Variants in ENPP1 observed in about 807,000 individuals in gnomAD.
The protein encoded by ENPP1 is ectonucleotide pyrophosphatase/phosphodiesterase 1.
In ENPP1, 73 loss-of-function variants were observed where a neutral mutation model predicts 122.8. The ratio of observed to expected loss-of-function variants is 0.59; its 90% CI spans 0.49 to 0.72. The LOEUF is 0.72. Among genes scored for constraint, ENPP1 ranks in the 30% least tolerant of loss-of-function variants. The pLI, the probability that ENPP1 is intolerant of heterozygous loss-of-function variation, is 0.00. For missense variants in ENPP1, 978 were observed against 1,128.1 expected, an observed-to-expected ratio of 0.87 and a Z score of 1.91; for synonymous variants, 367 against 391.6, an observed-to-expected ratio of 0.94 and a Z score of 0.74.
In ENPP1 at chr6:131,887,698, A is replaced by G. The variant is rs556586352; in HGVS notation, c.2607+974A>G. Among the ~76,000 whole-genome samples the G allele has an allele frequency of 2.1e-5, 3 of 144,632 alleles. 1 individual carries two copies. The highest frequency in any genetic ancestry group is 4.5e-5 in the Non-Finnish European group (3 of 66,984). 94.9% of individuals were successfully genotyped at this position (144,632 alleles called of 152,430 possible). On this transcript the variant is annotated intron_variant, in intron 24 of 24. Coordinates refer to ENST00000647893, the MANE Select transcript of ENPP1 (RefSeq NM_006208.3). Reference sequence around the variant, plus strand: ...CTCAGCCTCCCGAGTAGCTGGGACTACAGGCGCCCGCCACCACACCCGGCT... The same window carrying G: ...CTCAGCCTCCCGAGTAGCTGGGACTGCAGGCGCCCGCCACCACACCCGGCT...
chr6:131,889,488 A>C (rs6905420), intron 24 of ENPP1, among the ~76,000 whole-genome samples: 17,683 of 150,936 alleles, frequency 0.12, 1,932 homozygotes, highest in African/African-American at 0.3. Context: ...TGAGGTTTCG[A>C]TTTTCTGTTT....
At chr6:131,837,173 TG>T (rs975762768) in intron 1 of ENPP1, among the ~76,000 whole-genome samples, 6 of 15,194 alleles carry the variant, frequency 3.9e-4, no homozygotes, top group South Asian at 1.8e-3. Flanking sequence ...CTGTTGTCAT[TG>T]TGTGTGTGTG....
rs554014970 is a variant in ENPP1 at position 131,890,636 on chromosome 6, A to T, written c.*125A>T. 1 of 822,778 alleles carries T rather than the reference A, an allele frequency of 1.2e-6. No homozygotes were observed. Among genetic ancestry groups the T allele is most frequent in the Non-Finnish European group, 2.0e-6 (1 of 489,918 alleles). 51.0% of individuals were successfully genotyped at this position (822,778 alleles called of 1,614,324 possible). The stretch of plus-strand genomic sequence containing the variant: ...CAGAGTTAGAACGGAGCCCTCGGTG[A>T]TGCGGACATCTCAGGGAAACTTGCG... On this transcript the variant is annotated 3_prime_UTR_variant, in exon 25 of 25. Transcript: ENST00000647893.
At chr6:131,825,467 T>G (rs764624745) in intron 1 of ENPP1, among the ~76,000 whole-genome samples, 7 of 152,230 alleles carry the variant, frequency 4.6e-5, no homozygotes. Context: ...ATTTCCTCAA[T>G]CACTCTTGCC....
chr6:131,828,398 C>T (rs1358404509), intron 1 of ENPP1: 30 of 363,192 alleles, frequency 8.3e-5, no homozygotes, highest in South Asian at 1.2e-4. Flanking sequence ...CATTTTAGCT[C>T]GGTTAGTGTA....
At chr6:131,811,639 A>C (rs908962754) in intron 1 of ENPP1, among the ~76,000 whole-genome samples, 1 of 152,112 alleles carries the variant, frequency 6.6e-6, no homozygotes, top group African/African-American at 2.4e-5. Flanking sequence ...TCTTTGTATC[A>C]CACATTCCAG....
intron 1 of ENPP1, among the ~76,000 whole-genome samples, chr6:131,842,295 C>T (rs1781751533): frequency 6.6e-6 from 1 of 152,184 alleles, no homozygotes; most frequent in South Asian, 2.1e-4. Context: ...CCTTCCCAGG[C>T]TGGTGTTGTC....
intron 1 of ENPP1, among the ~76,000 whole-genome samples, chr6:131,829,250 A>C (rs2114668681): frequency 6.6e-6 from 1 of 152,360 alleles, no homozygotes; most frequent in East Asian, 1.9e-4. Context: ...AGCTGAACTA[A>C]ACTTTACAAT....
At chr6:131,889,728 G>A (rs1229836143) in intron 24 of ENPP1, among the ~76,000 whole-genome samples, 1 of 152,044 alleles carries the variant, frequency 6.6e-6, no homozygotes, top group Non-Finnish European at 1.5e-5. Flanking sequence ...CTCTCCTATT[G>A]TGAATAGTGC....
At chr6:131,809,220 GA>G (rs1447416552) in intron 1 of ENPP1, among the ~76,000 whole-genome samples, 1 of 152,172 alleles carries the variant, frequency 6.6e-6, no homozygotes, top group Non-Finnish European at 1.5e-5. Flanking sequence ...GTATTATATG[GA>G]AATCACAGAT....
intron 1 of ENPP1, among the ~76,000 whole-genome samples, chr6:131,829,359 TTTTTC>T (rs745842415): frequency 1.3e-5 from 2 of 152,220 alleles, no homozygotes; most frequent in African/African-American, 2.4e-5. Flanking sequence ...TGGGGGACAA[TTTTTC>T]TTTTCTTTTT....
chr6:131,865,486 A>G (rs900217354), intron 11 of ENPP1, among the ~76,000 whole-genome samples: 3 of 152,318 alleles, frequency 2.0e-5, no homozygotes, highest in East Asian at 1.9e-4. Context: ...ATGGACTAAC[A>G]CTTTCAGTGT....
At position 131,895,138 on chromosome 6, in the gene ENPP1, T is replaced by A. The variant is rs1451405793; in HGVS notation, c.*4627T>A. The stretch of plus-strand genomic sequence containing the variant: ...AAGCTAAGAAATGTGGATGTTCAAA[T>A]AAAACATACGTACAGAACTCTGGCT... On this transcript the variant is annotated 3_prime_UTR_variant, in exon 25 of 25. Coordinates refer to ENST00000647893, the MANE Select transcript of ENPP1 (RefSeq NM_006208.3). 1.3e-5 allele frequency: 2 copies of A among 152,272 alleles called. No individual in the cohort carries two copies. Among genetic ancestry groups the A allele is most frequent in the Non-Finnish European group, 2.9e-5 (2 of 68,046 alleles). 9.4% of individuals were successfully genotyped at this position (152,272 alleles called of 1,614,324 possible). A position where few individuals can be genotyped will look rare whatever the true frequency, so the allele number is the denominator to read the frequency against.
At chr6:131,837,158 G>A (rs2114677130) in intron 1 of ENPP1, among the ~76,000 whole-genome samples, 1 of 146,130 alleles carries the variant, frequency 6.8e-6, no homozygotes, top group East Asian at 2.0e-4. Flanking sequence ...GCTTATTTGG[G>A]GTTCCTGTTG....
intron 12 of ENPP1, among the ~76,000 whole-genome samples, chr6:131,869,154 A>C (rs1250762932): frequency 6.6e-6 from 1 of 152,216 alleles, no homozygotes; most frequent in Non-Finnish European, 1.5e-5. Context: ...ACATTAACCA[A>C]AATTTGGGTG....
chr6:131,839,051 A>G (rs1422179215), intron 1 of ENPP1, among the ~76,000 whole-genome samples: 1 of 152,050 alleles, frequency 6.6e-6, no homozygotes, highest in East Asian at 1.9e-4. Flanking sequence ...GGAGAAACGA[A>G]CTCTAATCTT....
intron 8 of ENPP1, 106 bp downstream of exon 8, chr6:131,860,612 T>C: frequency 2.4e-6 from 2 of 837,666 alleles, no homozygotes; most frequent in South Asian, 3.0e-5. Context: ...TTTCATTTAG[T>C]GTGTCTGTGG....
chr6:131,845,651 G>A (rs947771986), intron 1 of ENPP1, among the ~76,000 whole-genome samples: 1 of 151,714 alleles, frequency 6.6e-6, no homozygotes, highest in African/African-American at 2.4e-5. Context: ...TAGAGATGGG[G>A]TTTCACCATG....
In ENPP1 at chr6:131,895,081, A is replaced by C. The variant is rs1782529124; in HGVS notation, c.*4570A>C. 1 of 152,204 alleles carries C rather than the reference A, an allele frequency of 6.6e-6. No homozygotes were observed. The highest frequency in any genetic ancestry group is 1.5e-5 in the Non-Finnish European group (1 of 68,036). 9.4% of individuals were successfully genotyped at this position (152,204 alleles called of 1,614,324 possible). A position where few individuals can be genotyped will look rare whatever the true frequency, so the allele number is the denominator to read the frequency against. ...CCAGTCTAAATATTGTAAGAGAGAG[A>C]GAAGAAAAGTGTACGGAATATAATT... is the stretch of plus-strand genomic sequence containing the variant. On this transcript the variant is annotated 3_prime_UTR_variant, in exon 25 of 25. Transcript: ENST00000647893.
Sources: allele counts gnomAD v4.1 joint callset (sites outside exome capture counted in the v4.1 genomes callset), GRCh38; gene constraint gnomAD v4.1.1; transcripts MANE v1.5; gene names NCBI Gene and HGNC (gene_info 2026-07-23, HGNC 2026-07-21).